The following C3 variants were observed in gnomAD, a reference collection of about 807,000 sequenced individuals.
The protein encoded by C3 is complement C3.
Under a neutral mutation model 207.9 loss-of-function variants are expected in C3, and 97 were observed. That is an observed-to-expected ratio of 0.47 (90% CI 0.40 to 0.55). The LOEUF is 0.55. Among genes scored for constraint, C3 ranks in the 20% least tolerant of loss-of-function variants. The pLI, the probability that C3 is intolerant of heterozygous loss-of-function variation, is 0.00. For synonymous variants in C3, 848 were observed against 857.6 expected, an observed-to-expected ratio of 0.99 and a Z score of 0.20; for missense variants, 1,684 against 2,171.7, an observed-to-expected ratio of 0.78 and a Z score of 4.46.
intron 19 of C3, 23 bp from the exon 20 acceptor site, chr19:6,697,817 C>T (rs757629913): frequency 8.0e-5 from 129 of 1,608,548 alleles, no homozygotes; most frequent in Non-Finnish European, 1.0e-5. Context: ...AGACAGAACA[C>T]GGAGTGTCAA....
At position 6,702,444 on chromosome 19, in the gene C3, G is replaced by C. The variant is rs11569450; in HGVS notation, c.2354+27C>G. 174,109 of 1,468,156 alleles carry C rather than the reference G, an allele frequency of 0.12. 13,077 individuals carry two copies. Among genetic ancestry groups the C allele is most frequent in the East Asian group, 0.41 (18,126 of 44,220 alleles). The allele number at this position is 1,468,156 out of a possible 1,614,324, so 90.9% of individuals were successfully genotyped here. On this transcript the variant is annotated intron_variant, in intron 18 of 40. Coordinates refer to ENST00000245907, the MANE Select transcript of C3 (RefSeq NM_000064.4). Reference sequence around the variant, plus strand: ...ATTAAACGGTCTGACTCTGGGGTGGGTTGTACCGGGGGTACCCCGGCCTTA... The same window carrying C: ...ATTAAACGGTCTGACTCTGGGGTGGCTTGTACCGGGGGTACCCCGGCCTTA...
At position 6,717,408 on chromosome 19, in the gene C3, CTGTGTGTG is replaced by C. The variant is rs56313992; in HGVS notation, c.504+678_504+685del. 8.4e-3 allele frequency: 1,299 copies of C among 153,774 alleles called. 9 individuals carry two copies. Among genetic ancestry groups the C allele is most frequent in the Middle Eastern group, 0.014 (4 of 294 alleles). The allele number at this position is 153,774 out of a possible 1,614,324, so 9.5% of individuals were successfully genotyped here. On this transcript the variant is annotated intron_variant, in intron 4 of 40. Transcript: ENST00000245907. ...CTGGATCTCCACCTTGTCTCTCAGC[CTGTGTGTG>C]TGTGTGTGTGTGTGTGCGCGCCATA...
Position 6,719,466 on chromosome 19 carries a change from T to G in C3, c.75-63A>C. 1.4e-6 allele frequency: 2 copies of G among 1,476,128 alleles called. No homozygotes were observed. The highest frequency in any genetic ancestry group is 1.9e-6 in the Non-Finnish European group (2 of 1,060,652). 91.4% of individuals were successfully genotyped at this position (1,476,128 alleles called of 1,614,324 possible). ...ACGGATGTGAGACGCCAGTCCTCACTGGAGTCAGCGCCTGGCAGGCTGTGT... is the reference window on the plus strand; with the variant it reads ...ACGGATGTGAGACGCCAGTCCTCACGGGAGTCAGCGCCTGGCAGGCTGTGT... On this transcript the variant is annotated intron_variant, in intron 1 of 40. Coordinates refer to ENST00000245907, the MANE Select transcript of C3 (RefSeq NM_000064.4). The surrounding 1 kb of genome is among the most constrained non-coding windows in gnomAD (Gnocchi z 5.4).
chr19:6,684,853 G>A lies in C3; in HGVS notation c.3970-19C>T, dbSNP rs778127370. 3.1e-6 allele frequency: 5 copies of A among 1,613,870 alleles called. No individual in the cohort carries two copies. In the East Asian group the frequency reaches 8.9e-5, roughly 29 times the overall value. The stretch of plus-strand genomic sequence containing the variant: ...CCTTGGTCTGCAGAGTGAAAAGAGA[G>A]AAGAGAGCATGTTGGGAATTAAGCC... On this transcript the variant is annotated intron_variant, in intron 30 of 40. Coordinates refer to ENST00000245907, the MANE Select transcript of C3 (RefSeq NM_000064.4).
At position 6,696,167 on chromosome 19, in the gene C3, G is replaced by A. The variant is rs10410674; in HGVS notation, c.2950+212C>T. ...GGAGCTTGCAGCGAGCTGAGGTCGC[G>A]CCACTGCACTCCAGCCTGGGTGACA... On this transcript the variant is annotated intron_variant, in intron 23 of 40. Transcript: ENST00000245907. 0.37 allele frequency among the ~76,000 whole-genome samples: 53,475 copies of A among 144,196 alleles called. 10,245 individuals carry two copies. The highest frequency in any genetic ancestry group is 0.54 in the Middle Eastern group (148 of 274). 94.6% of individuals were successfully genotyped at this position (144,196 alleles called of 152,430 possible).
chr19:6,706,729 C>G (rs1222526284), intron 17 of C3, among the ~76,000 whole-genome samples: 1 of 143,762 alleles, frequency 7.0e-6, no homozygotes, highest in Non-Finnish European at 1.5e-5. Context: ...GCATCCTCCC[C>G]CCTCAGACAG....
intron 23 of C3, among the ~76,000 whole-genome samples, chr19:6,696,076 G>A (rs1208197121): frequency 6.6e-6 from 1 of 151,798 alleles, no homozygotes; most frequent in Non-Finnish European, 1.5e-5. Context: ...CGGGCGTGGT[G>A]GCGGGTGGCT....
intron 26 of C3, among the ~76,000 whole-genome samples, chr19:6,691,229 T>C (rs184735325): frequency 6.6e-6 from 1 of 152,062 alleles, no homozygotes; most frequent in Non-Finnish European, 1.5e-5. Context: ...AATTTTTTTG[T>C]ATTTAGTAGA....
intron 36 of C3, 119 bp downstream of exon 36, chr19:6,680,039 G>A (rs1044188103): frequency 4.1e-6 from 3 of 737,330 alleles, no homozygotes; most frequent in Admixed American, 1.9e-5. Context: ...TTCATACTAC[G>A]AATGCTCAAA....
At chr19:6,704,227 CAGTG>C (rs1967727843) in intron 17 of C3, among the ~76,000 whole-genome samples, 1 of 152,120 alleles carries the variant, frequency 6.6e-6, no homozygotes, top group Non-Finnish European at 1.5e-5. Flanking sequence ...GTTGACGCTG[CAGTG>C]AGCTGTGATC....
chr19:6,715,608 G>GC (rs1968012880), intron 4 of C3, among the ~76,000 whole-genome samples: 1 of 144,672 alleles, frequency 6.9e-6, no homozygotes, highest in Non-Finnish European at 1.5e-5. Context: ...ATAAAAATCT[G>GC]TTTTTTTTTT....
At chr19:6,678,714 T>G (rs916971777) in intron 38 of C3, among the ~76,000 whole-genome samples, 3 of 152,200 alleles carry the variant, frequency 2.0e-5, no homozygotes, top group Admixed American at 6.5e-5. Flanking sequence ...CTATTCATAC[T>G]ATGCAATGAG....
At chr19:6,717,902 A>G (rs946415423) in intron 4 of C3, 192 bp downstream of exon 4, 6 of 663,950 alleles carry the variant, frequency 9.0e-6, no homozygotes, top group Non-Finnish European at 1.6e-5. Context: ...CTGTGTGTGT[A>G]TTGTGTGCTG....
At chr19:6,702,440 G>A (rs775366998) in intron 18 of C3, 31 bp downstream of exon 18, 1 of 1,398,264 alleles carries the variant, frequency 7.2e-7, no homozygotes, top group Non-Finnish European at 1.0e-6. Context: ...TGACTCTGGG[G>A]TGGGTTGTAC....
At chr19:6,702,412 C>A in intron 18 of C3, 59 bp downstream of exon 18, 1 of 1,125,590 alleles carries the variant, frequency 8.9e-7, no homozygotes, top group South Asian at 1.2e-5. Flanking sequence ...ATAGCAGGTG[C>A]ATGCAAATTA....
At chr19:6,713,953 T>A (rs1599525482) in intron 7 of C3, 39 bp downstream of exon 7, 1 of 1,177,036 alleles carries the variant, frequency 8.5e-7, no homozygotes, top group Non-Finnish European at 1.2e-6. Context: ...ACCTGGTCCC[T>A]CACCTGGCTC....
Position 6,682,162 on chromosome 19 carries a change from C to T in C3, c.4240G>A (p.Asp1414Asn). 1 of 1,614,110 alleles carries T rather than the reference C, an allele frequency of 6.2e-7. No homozygotes were observed. The highest frequency in any genetic ancestry group is 1.3e-5 in the African/African-American group (1 of 75,048). ...DISMMTGFAPDTDDLKQLANG... is the reference protein window; with the variant it reads ...DISMMTGFAPNTDDLKQLANG... ...CATACCTGCTTCAGGTCATCTGTGT[C>T]TGGAGCAAAGCCAGTCATCATGGAT... Residue 1414 changes from aspartate (D) to asparagine (N), a missense_variant, in exon 34 of 41, where the codon GAC (aspartate) becomes AAC (asparagine). By Grantham distance (23) the Asp-to-Asn change is conservative. This residue lies in a region of C3 where 346 missense variants were observed against 380.1 expected (regional missense o/e 0.91). Transcript: ENST00000245907.
intron 14 of C3, among the ~76,000 whole-genome samples, chr19:6,709,309 G>C (rs1266765935): frequency 2.0e-5 from 3 of 152,154 alleles, no homozygotes. Flanking sequence ...TTAGCTGGGC[G>C]TGGTGATGGG....
At chr19:6,717,829 T>C in intron 4 of C3, 1 of 590,724 alleles carries the variant, frequency 1.7e-6, no homozygotes, top group East Asian at 2.9e-5. Context: ...TGTTGTGTGT[T>C]TGTGTGTGTT....
Sources: allele counts gnomAD v4.1 joint callset (sites outside exome capture counted in the v4.1 genomes callset), GRCh38; gene constraint gnomAD v4.1.1; regional missense constraint gnomAD v4.1.1; non-coding constraint Gnocchi (gnomAD v3.1); transcripts MANE v1.5; gene names NCBI Gene and HGNC (gene_info 2026-07-23, HGNC 2026-07-21).